Variants in SMARCD3 observed in about 807,000 individuals in gnomAD.
SMARCD3 encodes the protein SWI/SNF-related matrix-associated actin-dependent regulator of chromatin subfamily D member 3.
Under a neutral mutation model 58.0 loss-of-function variants are expected in SMARCD3, and 14 were observed. The ratio of observed to expected loss-of-function variants is 0.24; its 90% CI spans 0.16 to 0.38. SMARCD3 has a LOEUF of 0.38. Among genes scored for constraint, SMARCD3 ranks in the 10% least tolerant of loss-of-function variants. The probability of loss-of-function intolerance (pLI) is 1.00; values close to 1 mark genes in which losing one functional copy is unlikely to be tolerated. For synonymous variants in SMARCD3, 253 were observed against 253.8 expected (o/e 1.00, Z 0.03); for missense variants, 408 against 636.9 (o/e 0.64, Z 3.87).
chr7:151,250,914 T>C (rs4726010), upstream of SMARCD3, among the ~76,000 whole-genome samples: 74,539 of 151,978 alleles, frequency 0.49, 18,801 homozygotes, highest in East Asian at 0.71. Flanking sequence ...TGAGTTACCA[T>C]GGGCACCCCC....
At position 151,248,440 on chromosome 7, in the gene SMARCD3, C is replaced by T. The variant is rs765059561; in HGVS notation, c.78+45G>A. The T allele has an allele frequency of 5.2e-6, 8 of 1,543,148 alleles. No homozygotes were observed. In the East Asian group the frequency reaches 1.6e-4, roughly 31 times the overall value. ...CTCCCGATCAGCCCTCCATTCAGCC[C>T]GAGCCAGCTCGCTTGCCCTCCCCCG... On this transcript the variant is annotated intron_variant, in intron 1 of 12. Coordinates refer to ENST00000262188, the MANE Select transcript of SMARCD3 (RefSeq NM_001003801.2). This position sits in a 1 kb window ranked among gnomAD's most constrained non-coding sequence, Gnocchi z 6.1.
At chr7:151,247,161 G>T (rs1803307038) in intron 1 of SMARCD3, among the ~76,000 whole-genome samples, 1 of 152,106 alleles carries the variant, frequency 6.6e-6, no homozygotes, top group African/African-American at 2.4e-5. Context: ...ATGGAGCCCA[G>T]GCCTGGCCAC....
At chr7:151,263,901 G>A (rs1370092943) in intron 2 of SMARCD3, among the ~76,000 whole-genome samples, 2 of 152,046 alleles carry the variant, frequency 1.3e-5, no homozygotes, top group Non-Finnish European at 2.9e-5. Context: ...GGGCTCACAG[G>A]GGTGACTCCA....
chr7:151,239,961 G>A lies in SMARCD3; in HGVS notation c.1173+151C>T. The A allele has an allele frequency of 2.2e-6, 2 of 929,536 alleles. No individual in the cohort carries two copies. Among genetic ancestry groups the A allele is most frequent in the South Asian group, 1.7e-5 (1 of 57,954 alleles). The allele number at this position is 929,536 out of a possible 1,614,324, so 57.6% of individuals were successfully genotyped here. A position where few individuals can be genotyped will look rare whatever the true frequency, so the allele number is the denominator to read the frequency against. ...TCCAAGCAGCATGGACGGGCCATGT[G>A]TGTCCCATTGGCCCAGAGTCTGGTC... On this transcript the variant is annotated intron_variant, in intron 10 of 12. Transcript: ENST00000262188. This position sits in a 1 kb window ranked among gnomAD's most constrained non-coding sequence, Gnocchi z 7.0.
Position 151,239,221 on chromosome 7 carries a change from C to G in SMARCD3, c.1399-65G>C. Reference sequence around the variant, plus strand: ...TGGTGAGTGATCAGGACAATCCCACCTACTGACACCGCCTGCCCTGAAAGA... The same window carrying G: ...TGGTGAGTGATCAGGACAATCCCACGTACTGACACCGCCTGCCCTGAAAGA... On this transcript the variant is annotated intron_variant, in intron 12 of 12. Transcript: ENST00000262188. The surrounding 1 kb of genome is among the most constrained non-coding windows in gnomAD (Gnocchi z 7.0). 1.3e-6 allele frequency: 2 copies of G among 1,535,040 alleles called. No homozygotes were observed. The highest frequency in any genetic ancestry group is 1.8e-6 in the Non-Finnish European group (2 of 1,108,136).
intron 2 of SMARCD3, among the ~76,000 whole-genome samples, chr7:151,265,012 C>T (rs2150612398): frequency 6.6e-6 from 1 of 152,278 alleles, no homozygotes; most frequent in South Asian, 2.1e-4. Context: ...TTTTGAATGC[C>T]TGTCAGCTCC....
chr7:151,275,332 G>A, intron 1 of SMARCD3: 1 of 633,708 alleles, frequency 1.6e-6, no homozygotes, highest in Non-Finnish European at 2.9e-6. Flanking sequence ...AAACTCCCCG[G>A]AGTGGAGGTC....
Position 151,238,934 on chromosome 7 carries a change from C to T in SMARCD3, c.*169G>A. The T allele has an allele frequency of 9.7e-7, 1 of 1,028,236 alleles. No homozygotes were observed. Among genetic ancestry groups the T allele is most frequent in the Admixed American group, 2.0e-5 (1 of 48,884 alleles). 63.7% of individuals were successfully genotyped at this position (1,028,236 alleles called of 1,614,324 possible). ...CCACCTTCTTCCCTTCCCCTTCTCTCCCCCTCCCCTCCCCAGTTTCCAATG... is the reference window on the plus strand; with the variant it reads ...CCACCTTCTTCCCTTCCCCTTCTCTTCCCCTCCCCTCCCCAGTTTCCAATG... On this transcript the variant is annotated 3_prime_UTR_variant, in exon 13 of 13. Transcript: ENST00000262188.
Position 151,239,612 on chromosome 7 carries a change from C to T in SMARCD3, c.1296+12G>A, listed in dbSNP as rs757029472. ...TCTTCCACTCCAGTACTCCCTGAGT[C>T]TCCCTCTTCACCTTGAGGTCCCGGC... On this transcript the variant is annotated intron_variant, in intron 11 of 12. Coordinates refer to ENST00000262188, the MANE Select transcript of SMARCD3 (RefSeq NM_001003801.2). This position sits in a 1 kb window ranked among gnomAD's most constrained non-coding sequence, Gnocchi z 7.0. 18 of 1,613,994 alleles carry T rather than the reference C, an allele frequency of 1.1e-5. No homozygotes were observed. The highest frequency in any genetic ancestry group is 1.0e-4 in the Admixed American group (6 of 60,004).
intron 2 of SMARCD3, among the ~76,000 whole-genome samples, chr7:151,260,255 C>A (rs922637006): frequency 6.6e-6 from 1 of 152,020 alleles, no homozygotes; most frequent in Non-Finnish European, 1.5e-5. Flanking sequence ...ACGCACCCCA[C>A]CTTCCCCAAA....
In SMARCD3 at chr7:151,242,945, G is replaced by C. The variant is rs555284380; in HGVS notation, c.334-102C>G. ...ATCCTAGGGTACAAAAGATGTCAGG[G>C]GAGCCATCCTACTTTTGGGCATGTA... On this transcript the variant is annotated intron_variant, in intron 3 of 12. Transcript: ENST00000262188. The surrounding 1 kb of genome is among the most constrained non-coding windows in gnomAD (Gnocchi z 4.7). 3 of 1,423,400 alleles carry C rather than the reference G, an allele frequency of 2.1e-6. No individual in the cohort carries two copies. The highest frequency in any genetic ancestry group is 2.8e-5 in the African/African-American group (2 of 70,240). 88.2% of individuals were successfully genotyped at this position (1,423,400 alleles called of 1,614,324 possible).
At position 151,246,089 on chromosome 7, in the gene SMARCD3, C is replaced by G. The variant is rs1483826121; in HGVS notation, c.79-418G>C. 6.5e-6 allele frequency: 1 copy of G among 153,208 alleles called. No homozygotes were observed. Among genetic ancestry groups the G allele is most frequent in the Non-Finnish European group, 1.5e-5 (1 of 68,770 alleles). The allele number at this position is 153,208 out of a possible 1,614,324, so 9.5% of individuals were successfully genotyped here. ...TGGCTCAAGGAGAAAAATGACCTCG[C>G]CAAGGTCACACAGCTCATCCTGGCC... On this transcript the variant is annotated intron_variant, in intron 1 of 12. Coordinates refer to ENST00000262188, the MANE Select transcript of SMARCD3 (RefSeq NM_001003801.2). This position sits in a 1 kb window ranked among gnomAD's most constrained non-coding sequence, Gnocchi z 4.4.
At chr7:151,265,137 G>A (rs1804042344) in intron 2 of SMARCD3, among the ~76,000 whole-genome samples, 1 of 152,210 alleles carries the variant, frequency 6.6e-6, no homozygotes, top group Non-Finnish European at 1.5e-5. Flanking sequence ...ATATGTTGGA[G>A]TCCTAACCCC....
upstream of SMARCD3, chr7:151,277,133 G>A (rs1373482886): frequency 3.3e-5 from 5 of 150,928 alleles, no homozygotes; most frequent in Admixed American, 1.3e-4. Flanking sequence ...CTCGGCGCTC[G>A]GCTCGGCCCG....
chr7:151,270,029 G>T (rs1261605331), intron 2 of SMARCD3, among the ~76,000 whole-genome samples: 2 of 152,208 alleles, frequency 1.3e-5, no homozygotes, highest in African/African-American at 4.8e-5. Flanking sequence ...GAAAGAGCCA[G>T]AGCTGGATGT....
intron 2 of SMARCD3, among the ~76,000 whole-genome samples, chr7:151,265,092 C>G (rs1303389729): frequency 6.6e-6 from 1 of 152,218 alleles, no homozygotes; most frequent in Non-Finnish European, 1.5e-5. Context: ...GTCAGAGTCC[C>G]CCTGCTATGG....
chr7:151,248,274 C>A lies in SMARCD3; in HGVS notation c.78+211G>T, dbSNP rs1286120722. On this transcript the variant is annotated intron_variant, in intron 1 of 12. Transcript: ENST00000262188. This position sits in a 1 kb window ranked among gnomAD's most constrained non-coding sequence, Gnocchi z 6.1. Reference sequence around the variant, plus strand: ...TGACAAGAGCCATGCAAACGCCTCCCTTCCCCGCCTCGCGTCAGACCCGGC... The same window carrying A: ...TGACAAGAGCCATGCAAACGCCTCCATTCCCCGCCTCGCGTCAGACCCGGC... Among the ~76,000 whole-genome samples the A allele has an allele frequency of 2.6e-5, 4 of 152,032 alleles. No individual in the cohort carries two copies. Among genetic ancestry groups the A allele is most frequent in the African/African-American group, 9.7e-5 (4 of 41,418 alleles).
upstream of SMARCD3, among the ~76,000 whole-genome samples, chr7:151,253,664 C>T (rs1249192611): frequency 6.6e-6 from 1 of 152,172 alleles, no homozygotes; most frequent in African/African-American, 2.4e-5. Flanking sequence ...TTTTCTCTTA[C>T]TCCCCATTAA....
At chr7:151,255,968 C>A (rs1238098378) in intron 2 of SMARCD3, among the ~76,000 whole-genome samples, 2 of 151,942 alleles carry the variant, frequency 1.3e-5, no homozygotes, top group Non-Finnish European at 2.9e-5. Flanking sequence ...GCAACCTCCG[C>A]CTCCCAGGTT....
Sources: gnomAD v4.1 joint callset for allele counts (sites outside exome capture counted in the v4.1 genomes callset) on GRCh38, gnomAD v4.1.1 for gene constraint, Gnocchi (gnomAD v3.1) non-coding constraint, MANE v1.5 for transcripts, NCBI Gene and HGNC (gene_info 2026-07-23, HGNC 2026-07-21) for gene names.